Variants in MAPKAPK5 observed in about 807,000 individuals in gnomAD.
The protein encoded by MAPKAPK5 is MAP kinase-activated protein kinase 5.
Under a neutral mutation model 65.1 loss-of-function variants are expected in MAPKAPK5, and 30 were observed. That is an observed-to-expected ratio of 0.46 (90% CI 0.34 to 0.63). The LOEUF is 0.63. Ranked by LOEUF, MAPKAPK5 falls within the 20% of genes least tolerant of loss-of-function variation. MAPKAPK5 has a pLI of 0.01. For synonymous variants in MAPKAPK5, 179 were observed against 204.6 expected (o/e 0.87, Z 1.07); for missense variants, 433 against 581.4 (o/e 0.74, Z 2.63).
In MAPKAPK5 at chr12:111,900,133, T is replaced by C. The variant is rs571890137; in HGVS notation, c.*7072T>C. Reference sequence around the variant, plus strand: ...GAGATTTGGACCGAGGGGGACCTAATAGATGTCACAGTGGACTTGCAAATC... The same window carrying C: ...GAGATTTGGACCGAGGGGGACCTAACAGATGTCACAGTGGACTTGCAAATC... On this transcript the variant is annotated 3_prime_UTR_variant, in exon 14 of 14. Coordinates refer to ENST00000550735, the MANE Select transcript of MAPKAPK5 (RefSeq NM_003668.4). 7.2e-5 allele frequency: 33 copies of C among 456,042 alleles called. No individual in the cohort carries two copies. Among genetic ancestry groups the C allele is most frequent in the South Asian group, 3.6e-4 (23 of 64,550 alleles). The allele number at this position is 456,042 out of a possible 1,614,324, so 28.2% of individuals were successfully genotyped here. A position where few individuals can be genotyped will look rare whatever the true frequency, so the allele number is the denominator to read the frequency against.
In MAPKAPK5 at chr12:111,871,211, T is replaced by C. The variant is rs780278409; in HGVS notation, c.579+31T>C. On this transcript the variant is annotated intron_variant, in intron 7 of 13. Coordinates refer to ENST00000550735, the MANE Select transcript of MAPKAPK5 (RefSeq NM_003668.4). ...CATGTGCGGTTTCTGTCCTAAGATC[T>C]GTCACCAAGCTGCCCATCAACTCGT... is the stretch of plus-strand genomic sequence containing the variant. 1.8e-5 allele frequency: 29 copies of C among 1,573,928 alleles called. 1 individual carries two copies. The Admixed American group carries it at 3.9e-4, about 21-fold the overall frequency.
At chr12:111,881,716 G>A (rs951254264) in intron 8 of MAPKAPK5, among the ~76,000 whole-genome samples, 12 of 152,124 alleles carry the variant, frequency 7.9e-5, no homozygotes, top group African/African-American at 2.7e-4. Context: ...GATCCTATCT[G>A]TTCTAAAGCA....
intron 4 of MAPKAPK5, among the ~76,000 whole-genome samples, chr12:111,867,905 C>T (rs1427514010): frequency 1.3e-5 from 2 of 152,196 alleles, no homozygotes; most frequent in East Asian, 3.8e-4. Flanking sequence ...CCATCCTCAA[C>T]AGTAATCCTC....
chr12:111,842,752 A>G lies in MAPKAPK5; in HGVS notation c.19A>G (p.Met7Val), dbSNP rs768360343. The G allele has an allele frequency of 5.2e-6, 7 of 1,350,096 alleles. No individual in the cohort carries two copies. The highest frequency in any genetic ancestry group is 2.4e-5 in the South Asian group (1 of 41,294). 83.6% of individuals were successfully genotyped at this position (1,350,096 alleles called of 1,614,324 possible). A position where few individuals can be genotyped will look rare whatever the true frequency, so the allele number is the denominator to read the frequency against. The change falls in exon 1 of 14, where the codon ATG becomes GTG. Residue 7 changes from methionine to valine, a missense_variant. This residue lies in a region of MAPKAPK5 where 165 missense variants were observed against 180.0 expected (regional missense o/e 0.92). Transcript: ENST00000550735. MSEESD[M>V]DKAIKETSIL... ...ACTGAGTATGTCGGAGGAGAGCGAC[A>G]TGGACAAAGCCATCAAGGTAAGGGG... is the stretch of plus-strand genomic sequence containing the variant.
At chr12:111,844,333 G>A (rs1356962062) in intron 1 of MAPKAPK5, among the ~76,000 whole-genome samples, 1 of 151,878 alleles carries the variant, frequency 6.6e-6, no homozygotes, top group Non-Finnish European at 1.5e-5. Flanking sequence ...TGGGACTACA[G>A]GCACGTGCCA....
chr12:111,891,679 C>T (rs925633225), intron 13 of MAPKAPK5, among the ~76,000 whole-genome samples: 54 of 149,584 alleles, frequency 3.6e-4, no homozygotes, highest in Middle Eastern at 7.1e-3. Flanking sequence ...TGGTGGCATG[C>T]GCCTGTAGTT....
At chr12:111,874,355 A>G (rs1192335390) in intron 7 of MAPKAPK5, among the ~76,000 whole-genome samples, 1 of 151,330 alleles carries the variant, frequency 6.6e-6, no homozygotes, top group Non-Finnish European at 1.5e-5. Flanking sequence ...AGATCATGCC[A>G]TTGCACTCCA....
At chr12:111,890,906 C>A (rs997025642) in intron 13 of MAPKAPK5, among the ~76,000 whole-genome samples, 5 of 151,996 alleles carry the variant, frequency 3.3e-5, no homozygotes, top group African/African-American at 1.2e-4. Context: ...GATCCACCTG[C>A]CTCAGCCTCC....
chr12:111,873,859 A>G (rs2069864186), intron 7 of MAPKAPK5, among the ~76,000 whole-genome samples: 1 of 152,190 alleles, frequency 6.6e-6, no homozygotes, highest in Non-Finnish European at 1.5e-5. Context: ...TCACTTCTGT[A>G]TAACAGAAAA....
intron 1 of MAPKAPK5, among the ~76,000 whole-genome samples, chr12:111,853,937 G>A (rs1011655526): frequency 1.3e-4 from 20 of 152,068 alleles, no homozygotes; most frequent in African/African-American, 4.8e-4. Flanking sequence ...TCTTAATATA[G>A]TATATGGTAA....
chr12:111,850,512 G>C (rs2069046337), intron 1 of MAPKAPK5, among the ~76,000 whole-genome samples: 1 of 152,116 alleles, frequency 6.6e-6, no homozygotes, highest in Non-Finnish European at 1.5e-5. Context: ...CTGTAGAGAG[G>C]TTTGGCTTAA....
chr12:111,866,251 C>G lies in MAPKAPK5; in HGVS notation c.186+20C>G. On this transcript the variant is annotated intron_variant, in intron 3 of 13. Transcript: ENST00000550735. ...AATGAGGTATGCTTTATTGCCTCGA[C>G]TTAATTAAATAGTTGAAGTGCCTAA... The G allele has an allele frequency of 1.3e-6, 2 of 1,596,176 alleles. No individual in the cohort carries two copies. Among genetic ancestry groups the G allele is most frequent in the Non-Finnish European group, 1.7e-6 (2 of 1,170,178 alleles).
intron 1 of MAPKAPK5, among the ~76,000 whole-genome samples, chr12:111,847,788 G>A (rs1207945818): frequency 6.6e-6 from 1 of 152,122 alleles, no homozygotes; most frequent in Non-Finnish European, 1.5e-5. Flanking sequence ...AGTCAGCCCT[G>A]TTCCCATTCC....
chr12:111,871,630 G>A (rs1349698849), intron 7 of MAPKAPK5, among the ~76,000 whole-genome samples: 3 of 152,120 alleles, frequency 2.0e-5, no homozygotes, highest in South Asian at 2.1e-4. Flanking sequence ...GCGACAGAGC[G>A]AGACTCCGTC....
rs757276097 is a variant in MAPKAPK5 at position 111,883,651 on chromosome 12, A to G, written c.731A>G (p.Lys244Arg). 16 of 1,613,826 alleles carry G rather than the reference A, an allele frequency of 9.9e-6. No individual in the cohort carries two copies. In the African/African-American group the frequency reaches 1.3e-4, roughly 13 times the overall value. The change falls in exon 9 of 14, where the codon AAA becomes AGA. Residue 244 changes from lysine (K) to arginine (R), a missense_variant. By Grantham distance (26) the Lys-to-Arg change is conservative (BLOSUM62 2). Transcript: ENST00000550735. This position sits in a 1 kb window ranked among gnomAD's most constrained non-coding sequence, Gnocchi z 4.8. ...TGCGGATACCCTCCTTTTTACTCCA[A>G]ACACCACAGCCGGACTATCCCAAAG... is the stretch of plus-strand genomic sequence containing the variant. The part of the protein sequence containing the change: ...MLCGYPPFYS[K>R]HHSRTIPKDM...
intron 12 of MAPKAPK5, chr12:111,889,338 G>A (rs73424286): frequency 0.18 from 45,344 of 247,920 alleles, 4,568 homozygotes; most frequent in African/African-American, 0.27. Context: ...AATGGAAAAT[G>A]TGGGTAGGGT....
chr12:111,856,494 C>T (rs138537294), intron 1 of MAPKAPK5, among the ~76,000 whole-genome samples: 2,120 of 151,226 alleles, frequency 0.014, 31 homozygotes, highest in Non-Finnish European at 0.018. Context: ...GCAACCTCCA[C>T]CTCCTGGGTT....
At chr12:111,891,589 C>T (rs2070608496) in intron 13 of MAPKAPK5, among the ~76,000 whole-genome samples, 1 of 136,308 alleles carries the variant, frequency 7.3e-6, no homozygotes, top group Non-Finnish European at 1.5e-5. Flanking sequence ...GTCAGGAGAT[C>T]AAGACCATCC....
In MAPKAPK5 at chr12:111,897,567, T is replaced by TAA. The variant is rs2070865548; in HGVS notation, c.*4509_*4510dup. 5 of 152,212 alleles carry TAA rather than the reference T, an allele frequency of 3.3e-5. No individual in the cohort carries two copies. Among genetic ancestry groups the TAA allele is most frequent in the Admixed American group, 6.5e-5 (1 of 15,276 alleles). 9.4% of individuals were successfully genotyped at this position (152,212 alleles called of 1,614,324 possible). A position where few individuals can be genotyped will look rare whatever the true frequency, so the allele number is the denominator to read the frequency against. Reference sequence around the variant, plus strand: ...TTGGTTAAGAAACAGGGAAACACCCTAAAATCTGTGATAATTTTCAAAATA... The same window carrying TAA: ...TTGGTTAAGAAACAGGGAAACACCCTAAAAAATCTGTGATAATTTTCAAAATA... On this transcript the variant is annotated 3_prime_UTR_variant, in exon 14 of 14. Transcript: ENST00000550735.
Sources: allele counts gnomAD v4.1 joint callset (sites outside exome capture counted in the v4.1 genomes callset), GRCh38; gene constraint gnomAD v4.1.1; regional missense constraint gnomAD v4.1.1; non-coding constraint Gnocchi (gnomAD v3.1); transcripts MANE v1.5; gene names NCBI Gene and HGNC (gene_info 2026-07-23, HGNC 2026-07-21).